The following USH2A variants were observed in gnomAD, a reference collection of about 807,000 sequenced individuals.
USH2A encodes usherin.
Under a neutral mutation model 538.9 loss-of-function variants are expected in USH2A, and 443 were observed. The observed-to-expected ratio is 0.82, with a 90% CI of 0.76 to 0.89. The LOEUF (loss-of-function observed/expected upper bound fraction) is 0.89, where lower values mean the gene tolerates loss of function less well. Among genes scored for constraint, USH2A ranks in the 40% least tolerant of loss-of-function variants. The pLI, the probability that USH2A is intolerant of heterozygous loss-of-function variation, is 0.00. For synonymous variants in USH2A, 2,413 were observed against 2,273.5 expected (o/e 1.06, Z -1.75); for missense variants, 6,633 against 6,324.8 (o/e 1.05, Z -1.65).
At position 216,010,575 on chromosome 1, in the gene USH2A, C is replaced by T. The variant is rs1308882440; in HGVS notation, c.6326-10013G>A. Among the ~76,000 whole-genome samples the T allele has an allele frequency of 9.2e-5, 14 of 151,944 alleles. No homozygotes were observed. The South Asian group carries it at 1.9e-3, about 20-fold the overall frequency. On this transcript the variant is annotated intron_variant, in intron 32 of 71. Coordinates refer to ENST00000307340, the MANE Select transcript of USH2A (RefSeq NM_206933.4). Reference sequence around the variant, plus strand: ...AAGTCCATCCCCTTCTTAATCAATACGGAGGCTACTCACTCCACATCACCT... The same window carrying T: ...AAGTCCATCCCCTTCTTAATCAATATGGAGGCTACTCACTCCACATCACCT...
chr1:216,224,142 G>A (rs2035516082), intron 14 of USH2A, among the ~76,000 whole-genome samples: 1 of 152,126 alleles, frequency 6.6e-6, no homozygotes, highest in Admixed American at 6.6e-5. Context: ...TATCATTAGG[G>A]AAGAAACTTT....
chr1:216,232,153 TA>T lies in USH2A; in HGVS notation c.2810-18del. On this transcript the variant is annotated intron_variant, in intron 13 of 71. Coordinates refer to ENST00000307340, the MANE Select transcript of USH2A (RefSeq NM_206933.4). ...TATAAAAACCTAGAAATAAAGAAAT[TA>T]AAAGTTTTATATATACTTTTTATCC... 6.2e-7 allele frequency: 1 copy of T among 1,601,356 alleles called. No homozygotes were observed. Among genetic ancestry groups the T allele is most frequent in the Admixed American group, 1.7e-5 (1 of 59,466 alleles).
chr1:216,319,280 A>C (rs1363375040), intron 9 of USH2A, among the ~76,000 whole-genome samples: 2 of 152,208 alleles, frequency 1.3e-5, no homozygotes, highest in African/African-American at 2.4e-5. Flanking sequence ...TGTTGCTTTA[A>C]CTTTAAAATC....
At chr1:215,907,203 G>A (rs183670188) in intron 38 of USH2A, among the ~76,000 whole-genome samples, 36 of 152,062 alleles carry the variant, frequency 2.4e-4, no homozygotes, top group Admixed American at 5.2e-4. Context: ...ATTAATAGGA[G>A]TGAACTGAGC....
At chr1:215,918,190 T>C (rs1157409186) in intron 38 of USH2A, among the ~76,000 whole-genome samples, 1 of 152,106 alleles carries the variant, frequency 6.6e-6, no homozygotes, top group East Asian at 1.9e-4. Flanking sequence ...GGATATAATA[T>C]TCAAGTTTAT....
At chr1:215,883,663 G>A (rs546600425) in intron 41 of USH2A, among the ~76,000 whole-genome samples, 59 of 152,022 alleles carry the variant, frequency 3.9e-4, no homozygotes, top group Admixed American at 3.1e-3. Flanking sequence ...CTTTACCAAT[G>A]AAATAAAATG....
intron 3 of USH2A, among the ~76,000 whole-genome samples, chr1:216,370,671 C>A (rs12751319): frequency 1.4e-4 from 2 of 13,846 alleles, no homozygotes; most frequent in Non-Finnish European, 3.5e-4. Flanking sequence ...GAGCCAGACT[C>A]TGTCTCAAAA....
At chr1:215,853,882 C>T (rs1351324818) in intron 44 of USH2A, among the ~76,000 whole-genome samples, 2 of 152,156 alleles carry the variant, frequency 1.3e-5, no homozygotes, top group Admixed American at 1.3e-4. Context: ...TGGTCAAAGC[C>T]ATTCAACAAA....
At chr1:216,072,612 T>G (rs1643944249) in intron 29 of USH2A, 1 of 469,516 alleles carries the variant, frequency 2.1e-6, no homozygotes, top group Non-Finnish European at 3.9e-6. Context: ...TAGGTGGGAC[T>G]ATTACATCCT....
At chr1:216,305,580 A>T (rs2037300904) in intron 9 of USH2A, among the ~76,000 whole-genome samples, 1 of 150,376 alleles carries the variant, frequency 6.6e-6, no homozygotes, top group African/African-American at 2.5e-5. Context: ...GCTTTTTTTT[A>T]AATTGTGTTT....
intron 58 of USH2A, among the ~76,000 whole-genome samples, chr1:215,750,933 G>C (rs1380733906): frequency 6.6e-6 from 1 of 152,124 alleles, no homozygotes; most frequent in Non-Finnish European, 1.5e-5. Context: ...AGTAATGAAA[G>C]ATACATTTTA....
At chr1:216,042,488 A>G (rs1467390517) in intron 32 of USH2A, among the ~76,000 whole-genome samples, 1 of 152,046 alleles carries the variant, frequency 6.6e-6, no homozygotes, top group Admixed American at 6.6e-5. Context: ...TATTGAAATC[A>G]CCAGACATCA....
intron 9 of USH2A, among the ~76,000 whole-genome samples, chr1:216,302,651 G>A (rs1022328270): frequency 2.6e-5 from 4 of 151,962 alleles, no homozygotes; most frequent in African/African-American, 7.2e-5. Context: ...ATACAATGAC[G>A]ACAAACACAT....
At chr1:216,233,928 C>T (rs542449604) in intron 13 of USH2A, among the ~76,000 whole-genome samples, 107 of 152,030 alleles carry the variant, frequency 7.0e-4, no homozygotes, top group African/African-American at 2.5e-3. Flanking sequence ...ACACACAAGC[C>T]CGTGCAAAAT....
chr1:215,937,744 T>C (rs886227142), intron 37 of USH2A, among the ~76,000 whole-genome samples: 2 of 152,176 alleles, frequency 1.3e-5, no homozygotes, highest in Admixed American at 1.3e-4. Context: ...TATAAAAGAT[T>C]GAAATTTGTA....
chr1:216,133,004 C>T (rs969672875), intron 21 of USH2A, among the ~76,000 whole-genome samples: 10 of 152,054 alleles, frequency 6.6e-5, no homozygotes, highest in African/African-American at 9.7e-5. Context: ...AATGTTGATG[C>T]GTATAGCCCT....
At chr1:216,370,602 C>T (rs1435181180) in intron 3 of USH2A, among the ~76,000 whole-genome samples, 2 of 118,250 alleles carry the variant, frequency 1.7e-5, no homozygotes, top group Non-Finnish European at 3.3e-5. Flanking sequence ...TTGCTAAACC[C>T]GGGAGGCGGA....
At chr1:216,396,788 CA>C (rs2039220481) in intron 3 of USH2A, among the ~76,000 whole-genome samples, 1 of 152,130 alleles carries the variant, frequency 6.6e-6, no homozygotes, top group Admixed American at 6.5e-5. Context: ...CTTGAATATC[CA>C]CAAGCAGCTT....
intron 56 of USH2A, among the ~76,000 whole-genome samples, chr1:215,766,158 T>A (rs1411110806): frequency 2.0e-5 from 3 of 152,206 alleles, no homozygotes; most frequent in Non-Finnish European, 4.4e-5. Context: ...TTTGTTGTGG[T>A]CCATCTCAGA....
Sources: gnomAD v4.1 joint callset for allele counts (sites outside exome capture counted in the v4.1 genomes callset) on GRCh38, gnomAD v4.1.1 for gene constraint, MANE v1.5 for transcripts, NCBI Gene and HGNC (gene_info 2026-07-23, HGNC 2026-07-21) for gene names.